Variants in BMPR1B observed in about 807,000 individuals in gnomAD.
The protein encoded by BMPR1B is bone morphogenetic protein receptor type-1B.
Under a neutral mutation model 59.1 loss-of-function variants are expected in BMPR1B, and 12 were observed. That is an observed-to-expected ratio of 0.20 (90% CI 0.13 to 0.33). The LOEUF is 0.33. Among genes scored for constraint, BMPR1B ranks in the 10% least tolerant of loss-of-function variants. The pLI, the probability that BMPR1B is intolerant of heterozygous loss-of-function variation, is 1.00. For missense variants in BMPR1B, 550 were observed against 610.9 expected, an observed-to-expected ratio of 0.90 and a Z score of 1.05; for synonymous variants, 237 against 207.3, an observed-to-expected ratio of 1.14 and a Z score of -1.23.
intron 2 of BMPR1B, among the ~76,000 whole-genome samples, chr4:94,936,080 A>G (rs964022772): frequency 8.5e-5 from 13 of 152,184 alleles, no homozygotes; most frequent in African/African-American, 3.1e-4. Flanking sequence ...ATAAAGTCAG[A>G]AAAGAGTGCT....
rs145393749 is a variant in BMPR1B, at chr4:95,015,971, G to A, written c.-18+19837G>A. Reference sequence around the variant, plus strand: ...TTCCCAAAGTGTTGGGATTACAGGCGTGAGCCACCGCGCCGGCTGGAACAT... The same window carrying A: ...TTCCCAAAGTGTTGGGATTACAGGCATGAGCCACCGCGCCGGCTGGAACAT... On this transcript the variant is annotated intron_variant, in intron 3 of 12. Transcript: ENST00000515059. Among the ~76,000 whole-genome samples, 757 of 152,318 alleles carry A rather than the reference G, an allele frequency of 5.0e-3. 2 individuals carry two copies. The highest frequency in any genetic ancestry group is 8.4e-3 in the Non-Finnish European group (574 of 68,022).
rs377689764 is a variant in BMPR1B at position 94,950,303 on chromosome 4, T to C, written c.-112-45737T>C. The stretch of plus-strand genomic sequence containing the variant: ...GCTCTTTAGTTTAATTAGATCCCAT[T>C]TGTCAATGTTGGCTTTTTTTTTGCA... On this transcript the variant is annotated intron_variant, in intron 2 of 12. Transcript: ENST00000515059. Among the ~76,000 whole-genome samples, 28 of 152,306 alleles carry C rather than the reference T, an allele frequency of 1.8e-4. No homozygotes were observed. In the South Asian group the frequency reaches 4.1e-3, roughly 23 times the overall value.
chr4:94,829,932 G>T (rs542863277), intron 1 of BMPR1B, among the ~76,000 whole-genome samples: 1 of 152,128 alleles, frequency 6.6e-6, no homozygotes, highest in Non-Finnish European at 1.5e-5. Context: ...TGAGCAGTAG[G>T]CAGTTTTATT....
chr4:94,986,006 C>T (rs1258839128), intron 2 of BMPR1B, among the ~76,000 whole-genome samples: 1 of 152,060 alleles, frequency 6.6e-6, no homozygotes, highest in Non-Finnish European at 1.5e-5. Context: ...GGACTGTATT[C>T]TTTCATTTTC....
intron 2 of BMPR1B, among the ~76,000 whole-genome samples, chr4:94,960,932 A>G (rs1190175589): frequency 3.2e-5 from 3 of 93,892 alleles, no homozygotes; most frequent in Non-Finnish European, 7.9e-5. Flanking sequence ...TGGAATGCTC[A>G]TTTCATGGCT....
At chr4:94,832,555 G>C (rs1432234019) in intron 1 of BMPR1B, among the ~76,000 whole-genome samples, 1 of 151,984 alleles carries the variant, frequency 6.6e-6, no homozygotes, top group African/African-American at 2.4e-5. Flanking sequence ...GCTGAGGTGG[G>C]CGGATCACTT....
At chr4:94,780,358 T>A (rs879565422) in intron 1 of BMPR1B, among the ~76,000 whole-genome samples, 12 of 152,214 alleles carry the variant, frequency 7.9e-5, no homozygotes, top group Non-Finnish European at 1.2e-4. Flanking sequence ...ACTACGTAAT[T>A]CATTTTCATT....
chr4:94,776,753 G>C (rs1722384401), intron 1 of BMPR1B, among the ~76,000 whole-genome samples: 1 of 152,014 alleles, frequency 6.6e-6, no homozygotes, highest in Admixed American at 6.6e-5. Context: ...GCTATGTCTT[G>C]GTTCTGCAAG....
intron 2 of BMPR1B, among the ~76,000 whole-genome samples, chr4:94,955,283 A>G (rs1387471817): frequency 6.6e-6 from 1 of 152,216 alleles, no homozygotes; most frequent in Non-Finnish European, 1.5e-5. Context: ...ACTGTGTTTC[A>G]TGATCTCCTT....
intron 10 of BMPR1B, among the ~76,000 whole-genome samples, chr4:95,143,287 T>C (rs1734386052): frequency 6.6e-6 from 1 of 152,218 alleles, no homozygotes. Flanking sequence ...ATCCTACTTT[T>C]ATTGTCACCA....
chr4:94,787,541 T>G (rs1339878822), intron 1 of BMPR1B, among the ~76,000 whole-genome samples: 4 of 152,158 alleles, frequency 2.6e-5, no homozygotes, highest in Non-Finnish European at 5.9e-5. Context: ...TTTATTACAC[T>G]TAGCTCAGCC....
intron 3 of BMPR1B, among the ~76,000 whole-genome samples, chr4:95,042,602 T>G (rs1725737864): frequency 1.3e-5 from 2 of 152,186 alleles, no homozygotes; most frequent in African/African-American, 4.8e-5. Flanking sequence ...CCAAGCATTT[T>G]AAATAAGGGA....
chr4:95,011,428 CTT>C (rs1254953323), intron 3 of BMPR1B, among the ~76,000 whole-genome samples: 1 of 152,152 alleles, frequency 6.6e-6, no homozygotes, highest in African/African-American at 2.4e-5. Flanking sequence ...GTATCTCTCT[CTT>C]TTTCTGCTCC....
chr4:94,978,949 T>TACACAC (rs10649707), intron 2 of BMPR1B, among the ~76,000 whole-genome samples: 3,425 of 147,782 alleles, frequency 0.023, 40 homozygotes, highest in Middle Eastern at 0.027. Context: ...CACACATACA[T>TACACAC]ACACACACAC....
intron 1 of BMPR1B, among the ~76,000 whole-genome samples, chr4:94,815,595 A>C (rs904260016): frequency 6.6e-6 from 1 of 152,332 alleles, no homozygotes; most frequent in South Asian, 2.1e-4. Flanking sequence ...TTGAGTAGAC[A>C]TTGTGGTAAA....
At chr4:95,139,735 AT>A (rs1560686508) in intron 10 of BMPR1B, among the ~76,000 whole-genome samples, 3 of 152,092 alleles carry the variant, frequency 2.0e-5, no homozygotes. Context: ...CCTCGGAGCC[AT>A]GCGCGGGATA....
chr4:94,887,743 G>A (rs1054774509), intron 2 of BMPR1B, among the ~76,000 whole-genome samples: 1 of 151,910 alleles, frequency 6.6e-6, no homozygotes, highest in South Asian at 2.1e-4. Context: ...TAGAGAAAGT[G>A]GTGGAAATGG....
intron 2 of BMPR1B, among the ~76,000 whole-genome samples, chr4:94,935,174 A>G (rs11932930): frequency 0.13 from 19,444 of 152,050 alleles, 1,373 homozygotes; most frequent in African/African-American, 0.18. Context: ...ATATGCTTCA[A>G]GGGCAGTTTG....
intron 3 of BMPR1B, among the ~76,000 whole-genome samples, chr4:95,099,052 T>A (rs1433337171): frequency 1.3e-5 from 2 of 152,138 alleles, no homozygotes; most frequent in African/African-American, 2.4e-5. Flanking sequence ...ATTGGAAATA[T>A]TGTGACTTGT....
Sources: gnomAD v4.1 joint callset for allele counts (sites outside exome capture counted in the v4.1 genomes callset) on GRCh38, gnomAD v4.1.1 for gene constraint, MANE v1.5 for transcripts, NCBI Gene and HGNC (gene_info 2026-07-23, HGNC 2026-07-21) for gene names.